Variants in EGF observed in about 807,000 individuals in gnomAD.
The protein encoded by EGF is epidermal growth factor.
EGF carries 95 observed loss-of-function variants against 143.8 expected under a neutral mutation model. The observed-to-expected ratio is 0.66, with a 90% CI of 0.56 to 0.78. EGF has a LOEUF of 0.78. Ranked by LOEUF, EGF falls within the 30% of genes least tolerant of loss-of-function variation. EGF has a pLI of 0.00. For synonymous variants in EGF, 510 were observed against 510.5 expected (o/e 1.00, Z 0.01); for missense variants, 1,320 against 1,470.9 (o/e 0.90, Z 1.68).
intron 5 of EGF, among the ~76,000 whole-genome samples, chr4:109,948,496 G>T (rs901391821): frequency 1.4e-5 from 2 of 146,908 alleles, no homozygotes; most frequent in South Asian, 2.1e-4. Context: ...ATTTTTTTTT[G>T]GGGGGGTGGA....
chr4:109,980,367 T>A (rs900985245), intron 14 of EGF, among the ~76,000 whole-genome samples: 1 of 152,204 alleles, frequency 6.6e-6, no homozygotes, highest in Admixed American at 6.5e-5. Context: ...AACTTTTACT[T>A]ACCTGCTGCA....
intron 18 of EGF, among the ~76,000 whole-genome samples, chr4:109,990,811 C>T (rs372293624): frequency 6.6e-6 from 1 of 152,148 alleles, no homozygotes; most frequent in African/African-American, 2.4e-5. Flanking sequence ...CAAGAGAACG[C>T]TCTAGTTTCT....
rs1749701961 is a variant in EGF, at chr4:109,983,553, T to C, written c.2491+12T>C. On this transcript the variant is annotated intron_variant, in intron 16 of 23. Transcript: ENST00000265171. ...AATCATGGTGTCAGGTATGAATAAC[T>C]AGTTCTCCAATATACCTTTGGTTCC... 1.9e-6 allele frequency: 3 copies of C among 1,613,318 alleles called. No homozygotes were observed. Among genetic ancestry groups the C allele is most frequent in the Non-Finnish European group, 2.5e-6 (3 of 1,179,610 alleles).
At chr4:109,978,866 T>C (rs1380591220) in intron 13 of EGF, among the ~76,000 whole-genome samples, 2 of 152,222 alleles carry the variant, frequency 1.3e-5, no homozygotes, top group East Asian at 1.9e-4. Flanking sequence ...AAGTGGAGAC[T>C]CATTGTAACC....
intron 5 of EGF, among the ~76,000 whole-genome samples, chr4:109,946,651 A>G (rs1742913433): frequency 6.6e-6 from 1 of 152,196 alleles, no homozygotes; most frequent in African/African-American, 2.4e-5. Flanking sequence ...TGTAAGTGCC[A>G]TACAGGTAGA....
At chr4:109,970,773 G>C (rs183012738) in intron 11 of EGF, among the ~76,000 whole-genome samples, 288 of 144,150 alleles carry the variant, frequency 2.0e-3, no homozygotes, top group African/African-American at 6.4e-3. Flanking sequence ...TGCAGTGAGC[G>C]GAGATCGCAC....
intron 18 of EGF, among the ~76,000 whole-genome samples, chr4:109,990,773 GGA>G (rs150329255): frequency 7.9e-5 from 12 of 152,050 alleles, no homozygotes; most frequent in African/African-American, 2.4e-4. Context: ...TCTTTGATGT[GGA>G]GAGAGAGAGA....
intron 5 of EGF, among the ~76,000 whole-genome samples, chr4:109,948,742 T>TC (rs1743294517): frequency 6.6e-6 from 1 of 152,148 alleles, no homozygotes; most frequent in Non-Finnish European, 1.5e-5. Context: ...TGCCTCAGCC[T>TC]CCCAAAGTGC....
At position 110,012,975 on chromosome 4, in the gene EGF, T is replaced by C. The variant is rs986340197; in HGVS notation, c.*1520T>C. On this transcript the variant is annotated 3_prime_UTR_variant, in exon 24 of 24. Coordinates refer to ENST00000265171, the MANE Select transcript of EGF (RefSeq NM_001963.6). The stretch of plus-strand genomic sequence containing the variant: ...AGAAATTGAAGTACCTGTTTTCAAA[T>C]GGATACTTTATAGGAATTTTGGTAA... 1.3e-5 allele frequency among the ~76,000 whole-genome samples: 2 copies of C among 152,226 alleles called. No homozygotes were observed. Among genetic ancestry groups the C allele is most frequent in the South Asian group, 2.1e-4 (1 of 4,826 alleles).
At position 109,994,795 on chromosome 4, in the gene EGF, T is replaced by C. The variant is rs891487797; in HGVS notation, c.2920T>C (p.Ser974Pro). 6.2e-7 allele frequency: 1 copy of C among 1,614,028 alleles called. No homozygotes were observed. Among genetic ancestry groups the C allele is most frequent in the Non-Finnish European group, 8.5e-7 (1 of 1,180,002 alleles). ...CCACTATTCCGTAAGAAATAGTGAC[T>C]CTGAATGTCCCCTGTCCCACGATGG... ...DHHYSVRNSD[S>P]ECPLSHDGYC... The change falls in exon 20 of 24, where the codon TCT becomes CCT. Residue 974 changes from serine to proline, a missense_variant. Ser to Pro is a moderately conservative substitution (Grantham distance 74). Around this residue, in one of 5 missense-constraint regions of EGF, gnomAD observed 1,186 missense variants for 1,313.7 expected, o/e 0.90. Coordinates refer to ENST00000265171, the MANE Select transcript of EGF (RefSeq NM_001963.6).
At chr4:109,955,113 A>G (rs1479627988) in intron 5 of EGF, among the ~76,000 whole-genome samples, 4 of 152,228 alleles carry the variant, frequency 2.6e-5, no homozygotes, top group Non-Finnish European at 5.9e-5. Context: ...AGATGTGATC[A>G]GTGGAAAAAA....
chr4:109,944,198 G>C (rs1160039360), intron 4 of EGF, 129 bp downstream of exon 4: 87 of 1,053,924 alleles, frequency 8.3e-5, no homozygotes, highest in Non-Finnish European at 1.2e-4. Flanking sequence ...AAAGACTTGA[G>C]TTTGGCCGGG....
At chr4:109,991,220 T>TTA (rs144812985) in intron 18 of EGF, among the ~76,000 whole-genome samples, 18 of 151,892 alleles carry the variant, frequency 1.2e-4, no homozygotes, top group African/African-American at 4.1e-4. Context: ...AACATTTTAA[T>TTA]ATCAGTGTAA....
chr4:109,939,476 C>A (rs982859817), intron 1 of EGF, among the ~76,000 whole-genome samples: 10 of 152,202 alleles, frequency 6.6e-5, no homozygotes, highest in Non-Finnish European at 1.5e-4. Context: ...AAGGGAAATC[C>A]CCTGACCCCT....
intron 2 of EGF, among the ~76,000 whole-genome samples, chr4:109,942,517 G>C (rs1405347069): frequency 6.6e-6 from 1 of 152,196 alleles, no homozygotes; most frequent in African/African-American, 2.4e-5. Context: ...CTGGACGTCT[G>C]CCATGGTTGA....
intron 1 of EGF, among the ~76,000 whole-genome samples, chr4:109,938,388 A>C (rs1741253048): frequency 1.3e-5 from 2 of 152,100 alleles, no homozygotes; most frequent in East Asian, 1.9e-4. Flanking sequence ...TCTTCTCTAC[A>C]CTGTTGATTC....
intron 18 of EGF, among the ~76,000 whole-genome samples, chr4:109,991,700 G>A (rs1031798366): frequency 1.1e-4 from 16 of 152,314 alleles, no homozygotes; most frequent in African/African-American, 3.6e-4. Context: ...TAATATGTAT[G>A]TCAATGACAG....
chr4:109,983,286 C>G (rs1749653551), intron 15 of EGF, 136 bp from the exon 16 acceptor site: 4 of 1,002,436 alleles, frequency 4.0e-6, no homozygotes, highest in Admixed American at 2.1e-5. Context: ...AAGACCCTGA[C>G]AGTTTCTCTG....
At chr4:109,959,510 C>A in intron 6 of EGF, 73 bp downstream of exon 6, 2 of 1,608,558 alleles carry the variant, frequency 1.2e-6, no homozygotes, top group South Asian at 1.1e-5. Context: ...ACTGAGCCAG[C>A]GGCTTGTCTT....
Sources: gnomAD v4.1 joint callset for allele counts (sites outside exome capture counted in the v4.1 genomes callset) on GRCh38, gnomAD v4.1.1 for gene constraint, gnomAD v4.1.1 regional missense constraint, MANE v1.5 for transcripts, NCBI Gene and HGNC (gene_info 2026-07-23, HGNC 2026-07-21) for gene names.